Variants in SLC24A2 observed in about 807,000 individuals in gnomAD.
SLC24A2 encodes the protein sodium/potassium/calcium exchanger 2.
Under a neutral mutation model 62.0 loss-of-function variants are expected in SLC24A2, and 36 were observed. The observed-to-expected ratio is 0.58, with a 90% CI of 0.44 to 0.77. The LOEUF (loss-of-function observed/expected upper bound fraction) is 0.77. SLC24A2 is among the 30% of genes least tolerant of loss of function. SLC24A2 has a pLI of 0.00. For missense variants in SLC24A2, 846 were observed against 817.9 expected (o/e 1.03, Z -0.42); for synonymous variants, 358 against 294.0 (o/e 1.22, Z -2.23).
chr9:19,816,328 T>G, the SLC24A2 span, among the ~76,000 whole-genome samples: 1 of 152,090 alleles, frequency 6.6e-6, no homozygotes, highest in Admixed American at 6.6e-5. Flanking sequence ...CATTCATTTA[T>G]AATATCCTTG....
At chr9:19,703,861 C>A (rs1375806428) in intron 2 of SLC24A2, among the ~76,000 whole-genome samples, 2 of 152,092 alleles carry the variant, frequency 1.3e-5, no homozygotes, top group Non-Finnish European at 2.9e-5. Context: ...ATTTTGTAAT[C>A]CTTAAAAATA....
At chr9:19,701,084 T>A (rs894596279) in intron 2 of SLC24A2, among the ~76,000 whole-genome samples, 1 of 152,222 alleles carries the variant, frequency 6.6e-6, no homozygotes, top group Non-Finnish European at 1.5e-5. Context: ...CTACCTTGTA[T>A]AAGAATCTTT....
At position 19,736,064 on chromosome 9, in the gene SLC24A2, A is replaced by T. The variant is rs994050497; in HGVS notation, c.930+49873T>A. On this transcript the variant is annotated intron_variant, in intron 2 of 10. Coordinates refer to ENST00000341998, the MANE Select transcript of SLC24A2 (RefSeq NM_020344.4). Reference sequence around the variant, plus strand: ...GCAAACAGTGGGAGAGATTTAAGTGAAATTAAAATATTCTGAGATTCTTAG... The same window carrying T: ...GCAAACAGTGGGAGAGATTTAAGTGTAATTAAAATATTCTGAGATTCTTAG... Among the ~76,000 whole-genome samples the T allele has an allele frequency of 6.6e-5, 10 of 152,328 alleles. 1 individual carries two copies. Among genetic ancestry groups the T allele is most frequent in the Admixed American group, 3.9e-4 (6 of 15,290 alleles).
the SLC24A2 span, among the ~76,000 whole-genome samples, chr9:19,863,560 G>T: frequency 6.6e-6 from 1 of 151,908 alleles, no homozygotes; most frequent in Non-Finnish European, 1.5e-5. Flanking sequence ...GTAACCAGAG[G>T]AATTTTGGAA....
the SLC24A2 span, among the ~76,000 whole-genome samples, chr9:19,979,702 C>T: frequency 1.8e-4 from 27 of 152,208 alleles, no homozygotes; most frequent in South Asian, 2.3e-3. Flanking sequence ...TATTTATGTA[C>T]GGGAGATGAT....
chr9:20,200,811 T>C, the SLC24A2 span, among the ~76,000 whole-genome samples: 3 of 152,194 alleles, frequency 2.0e-5, no homozygotes, highest in Non-Finnish European at 2.9e-5. Flanking sequence ...TAAGGGTTGA[T>C]TGGATTTTTG....
the SLC24A2 span, among the ~76,000 whole-genome samples, chr9:20,140,312 C>T: frequency 6.6e-6 from 1 of 152,212 alleles, no homozygotes; most frequent in Admixed American, 6.5e-5. Flanking sequence ...TGTTCAAAAC[C>T]TGCTTCTGCC....
At chr9:19,906,255 A>G in the SLC24A2 span, among the ~76,000 whole-genome samples, 2 of 152,066 alleles carry the variant, frequency 1.3e-5, no homozygotes, top group African/African-American at 4.8e-5. Context: ...TGAAGGCAGA[A>G]ATAAAGATGT....
chr9:19,706,151 C>T (rs1220719878), intron 2 of SLC24A2, among the ~76,000 whole-genome samples: 1 of 151,416 alleles, frequency 6.6e-6, no homozygotes, highest in Non-Finnish European at 1.5e-5. Flanking sequence ...GGATAGTTAG[C>T]TCTTCTTGTT....
At chr9:19,527,261 G>A (rs938454152) in intron 9 of SLC24A2, among the ~76,000 whole-genome samples, 2 of 152,180 alleles carry the variant, frequency 1.3e-5, no homozygotes, top group Non-Finnish European at 2.9e-5. Flanking sequence ...GATTTTTGGA[G>A]TTGCAGAGTC....
chr9:20,100,016 T>C, the SLC24A2 span, among the ~76,000 whole-genome samples: 10 of 152,084 alleles, frequency 6.6e-5, no homozygotes, highest in South Asian at 1.7e-3. Context: ...TCTTCTCCTA[T>C]TCATCTTTTT....
At chr9:19,584,478 C>A (rs1349660926) in intron 5 of SLC24A2, among the ~76,000 whole-genome samples, 2 of 152,016 alleles carry the variant, frequency 1.3e-5, no homozygotes, top group Non-Finnish European at 1.5e-5. Context: ...GGTATGGAGG[C>A]CCAGAGAATA....
chr9:20,076,878 T>TAC, the SLC24A2 span, among the ~76,000 whole-genome samples: 1 of 120,076 alleles, frequency 8.3e-6, no homozygotes, highest in Non-Finnish European at 1.8e-5. Context: ...TATATATATA[T>TAC]ATACATATCA....
chr9:19,583,143 G>A (rs973323975), intron 5 of SLC24A2, among the ~76,000 whole-genome samples: 1 of 152,154 alleles, frequency 6.6e-6, no homozygotes, highest in African/African-American at 2.4e-5. Flanking sequence ...CATCCTGACT[G>A]CCCTGATCTT....
chr9:20,007,031 TG>T, the SLC24A2 span, among the ~76,000 whole-genome samples: 2 of 152,192 alleles, frequency 1.3e-5, no homozygotes, highest in South Asian at 4.1e-4. Flanking sequence ...CTTTCTACTG[TG>T]GGTGTTGCTT....
At chr9:19,631,109 G>C (rs768948975) in intron 2 of SLC24A2, among the ~76,000 whole-genome samples, 2 of 152,158 alleles carry the variant, frequency 1.3e-5, no homozygotes, top group Non-Finnish European at 2.9e-5. Context: ...TGAGGGCAGA[G>C]ACCATGTCTA....
chr9:19,757,050 C>T (rs1361929163), intron 2 of SLC24A2, among the ~76,000 whole-genome samples: 2 of 151,740 alleles, frequency 1.3e-5, no homozygotes, highest in Non-Finnish European at 2.9e-5. Context: ...ATTAGGGTTA[C>T]AGGTGGGAGG....
At chr9:20,034,627 C>T in the SLC24A2 span, among the ~76,000 whole-genome samples, 131 of 151,862 alleles carry the variant, frequency 8.6e-4, no homozygotes, top group African/African-American at 2.8e-3. Flanking sequence ...CCACTATGCC[C>T]GGCTAATTTT....
At chr9:19,541,249 G>C (rs1476344563) in intron 8 of SLC24A2, among the ~76,000 whole-genome samples, 4 of 148,320 alleles carry the variant, frequency 2.7e-5, no homozygotes, top group Admixed American at 1.3e-4. Context: ...TTGCTGGTGA[G>C]GAACTGCGTT....
Sources: gnomAD v4.1 joint callset for allele counts (sites outside exome capture counted in the v4.1 genomes callset) on GRCh38, gnomAD v4.1.1 for gene constraint, MANE v1.5 for transcripts, NCBI Gene and HGNC (gene_info 2026-07-23, HGNC 2026-07-21) for gene names.